Variants in SEPTIN6 observed in about 807,000 individuals in gnomAD.
SEPTIN6 encodes septin-6.
A neutral mutation model predicts 33.6 loss-of-function variants in SEPTIN6; 8 were observed. The observed-to-expected ratio is 0.24, with a 90% CI of 0.14 to 0.43. The LOEUF is 0.43. SEPTIN6 is among the 20% of genes least tolerant of loss of function. The probability of loss-of-function intolerance (pLI) is 1.00; values close to 1 mark genes in which losing one functional copy is unlikely to be tolerated. For missense variants in SEPTIN6, 250 were observed against 340.8 expected (o/e 0.73, Z 2.10); for synonymous variants, 131 against 140.0 (o/e 0.94, Z 0.45).
At position 119,649,180 on chromosome X, in the gene SEPTIN6, G is replaced by C. The variant is rs187466795; in HGVS notation, c.690+757C>G. Among the ~76,000 whole-genome samples, 473 of 97,400 alleles carry C rather than the reference G, an allele frequency of 4.9e-3. 6 individuals carry two copies. Among genetic ancestry groups the C allele is most frequent in the African/African-American group, 0.018 (457 of 25,239 alleles). The allele number at this position is 97,400 out of a possible 115,157, so 84.6% of individuals were successfully genotyped here. On this transcript the variant is annotated intron_variant, in intron 5 of 10. Coordinates refer to ENST00000394610, the MANE Select transcript of SEPTIN6 (RefSeq NM_145799.4). The stretch of plus-strand genomic sequence containing the variant: ...GTCGCCCAGGCTGGAGTGCAATGGC[G>C]TAATCTTGGCTCACTGCAACCTCTG...
Position 119,617,100 on chromosome X carries a change from GT to G in SEPTIN6, c.*2992del, listed in dbSNP as rs2147417275. 3.9e-5 allele frequency: 1 copy of G among 25,793 alleles called. No individual in the cohort carries two copies. Among genetic ancestry groups the G allele is most frequent in the Non-Finnish European group, 4.3e-5 (1 of 23,106 alleles). The allele number at this position is 25,793 out of a possible 1,213,427, so 2.1% of individuals were successfully genotyped here. A position where few individuals can be genotyped will look rare whatever the true frequency, so the allele number is the denominator to read the frequency against. On this transcript the variant is annotated 3_prime_UTR_variant, in exon 11 of 11. Transcript: ENST00000394610. Reference sequence around the variant, plus strand: ...TAAGAGAAGTGAGGGATGTGTGTACGTGTGTGTGTGTGTGTGTGTGTGTGTG... The same window carrying G: ...TAAGAGAAGTGAGGGATGTGTGTACGGTGTGTGTGTGTGTGTGTGTGTGTG...
intron 10 of SEPTIN6, among the ~76,000 whole-genome samples, chrX:119,622,025 GACAAAA>G (rs1382391776): frequency 2.0e-5 from 2 of 99,201 alleles, no homozygotes; most frequent in African/African-American, 3.4e-5. Flanking sequence ...CTATACAAAA[GACAAAA>G]ACAAAAACAA....
rs150090608 is a variant in SEPTIN6 at position 119,622,807 on chromosome X, T to C, written c.*41+2528A>G. ...CATAACACATGAACTGAGTTCCTAT[T>C]ACATGTCAGACACTTCACTACGCAC... On this transcript the variant is annotated intron_variant, in intron 10 of 10. Coordinates refer to ENST00000394610, the MANE Select transcript of SEPTIN6 (RefSeq NM_145799.4). Among the ~76,000 whole-genome samples, 1,041 of 112,082 alleles carry C rather than the reference T, an allele frequency of 9.3e-3. 12 individuals are homozygous for C. Among genetic ancestry groups the C allele is most frequent in the African/African-American group, 0.032 (986 of 30,895 alleles).
At chrX:119,667,323 C>A (rs1036024715) in intron 2 of SEPTIN6, among the ~76,000 whole-genome samples, 2 of 109,303 alleles carry the variant, frequency 1.8e-5, no homozygotes, top group Non-Finnish European at 3.8e-5. Context: ...GTTGAGGGAC[C>A]CACCCTGTTT....
At chrX:119,662,905 G>A (rs2054573025) in intron 3 of SEPTIN6, among the ~76,000 whole-genome samples, 1 of 111,887 alleles carries the variant, frequency 8.9e-6, no homozygotes, top group African/African-American at 3.3e-5. Context: ...TGCCTGAGAT[G>A]CCCCTCTCTC....
At chrX:119,684,262 T>C (rs960866423) in intron 1 of SEPTIN6, among the ~76,000 whole-genome samples, 1 of 111,103 alleles carries the variant, frequency 9.0e-6, no homozygotes, top group African/African-American at 3.3e-5. Context: ...TATAACTTAT[T>C]ATTACATATT....
rs762135920 is a variant in SEPTIN6, at chrX:119,663,728, C to A, written c.146-51G>T. On this transcript the variant is annotated intron_variant, in intron 2 of 10. Coordinates refer to ENST00000394610, the MANE Select transcript of SEPTIN6 (RefSeq NM_145799.4). ...GTCTGTTCACATAGTGACTATTCAG[C>A]CCTTACACATCATGTTTCATATACA... 2.3e-4 allele frequency: 218 copies of A among 956,466 alleles called. 1 individual carries two copies. The highest frequency in any genetic ancestry group is 3.1e-4 in the Non-Finnish European group (217 of 693,450). The allele number at this position is 956,466 out of a possible 1,213,427, so 78.8% of individuals were successfully genotyped here. A position where few individuals can be genotyped will look rare whatever the true frequency, so the allele number is the denominator to read the frequency against.
chrX:119,653,066 C>A, intron 3 of SEPTIN6, 26 bp from the exon 4 acceptor site: 2 of 1,156,681 alleles, frequency 1.7e-6, no homozygotes, highest in Non-Finnish European at 2.3e-6. Context: ...GGGACAGAGG[C>A]GGATCCCGTC....
At chrX:119,656,684 G>C (rs190012543) in intron 3 of SEPTIN6, among the ~76,000 whole-genome samples, 9 of 111,685 alleles carry the variant, frequency 8.1e-5, no homozygotes, top group Non-Finnish European at 1.3e-4. Flanking sequence ...TCAGGAGTTC[G>C]AGACCAGCCT....
At chrX:119,686,523 A>C in intron 1 of SEPTIN6, 1 of 795,225 alleles carries the variant, frequency 1.3e-6, no homozygotes, top group Non-Finnish European at 1.7e-6. Context: ...GCCTCTAATG[A>C]GAAGACACTG....
intron 3 of SEPTIN6, among the ~76,000 whole-genome samples, chrX:119,658,073 G>GC (rs927132458): frequency 8.9e-6 from 1 of 112,031 alleles, no homozygotes; most frequent in Non-Finnish European, 1.9e-5. Context: ...CTTGCAGTAA[G>GC]CCGAGATAGC....
intron 3 of SEPTIN6, among the ~76,000 whole-genome samples, chrX:119,660,187 T>A (rs2054514251): frequency 8.9e-6 from 1 of 112,635 alleles, no homozygotes; most frequent in Admixed American, 9.4e-5. Context: ...CAGCATCCTT[T>A]AAATGGTAGC....
Position 119,640,672 on chromosome X carries a change from C to T in SEPTIN6, c.787+20G>A, listed in dbSNP as rs1458563054. ...CAAAAGGGGCTTCCTGTGTGTAGCCCTTCCCGGAGACTCACTCACCCTGCA... is the reference window on the plus strand; with the variant it reads ...CAAAAGGGGCTTCCTGTGTGTAGCCTTTCCCGGAGACTCACTCACCCTGCA... On this transcript the variant is annotated intron_variant, in intron 6 of 10. Transcript: ENST00000394610. The T allele has an allele frequency of 8.6e-7, 1 of 1,165,038 alleles. No individual in the cohort carries two copies. Among genetic ancestry groups the T allele is most frequent in the South Asian group, 1.8e-5 (1 of 55,786 alleles).
chrX:119,656,375 G>A (rs1381204306), intron 3 of SEPTIN6, among the ~76,000 whole-genome samples: 1 of 112,348 alleles, frequency 8.9e-6, no homozygotes, highest in Non-Finnish European at 1.9e-5. Context: ...CCGCAAGGAT[G>A]AGGATGACAG....
chrX:119,638,105 GA>G (rs2054099169), intron 6 of SEPTIN6, among the ~76,000 whole-genome samples: 1 of 111,836 alleles, frequency 8.9e-6, no homozygotes, highest in South Asian at 3.7e-4. Context: ...AGAATAAGGG[GA>G]AAGAACTAGG....
At chrX:119,677,015 C>T (rs1426123897) in intron 1 of SEPTIN6, among the ~76,000 whole-genome samples, 1 of 112,142 alleles carries the variant, frequency 8.9e-6, no homozygotes, top group Non-Finnish European at 1.9e-5. Flanking sequence ...CTCCTCAAGC[C>T]CTTAGCGTAG....
At chrX:119,624,157 G>GTTTTTTTTTTTTTTTTTTTTTTTGT in intron 10 of SEPTIN6, 1 of 207,278 alleles carries the variant, frequency 4.8e-6, no homozygotes, top group Non-Finnish European at 9.2e-6. Context: ...TTTTTTTTTT[G>GTTTTTTTTTTTTTTTTTTTTTTTGT]TTTTTTTTTT....
chrX:119,676,572 C>A (rs1279351134), intron 1 of SEPTIN6, among the ~76,000 whole-genome samples: 3 of 111,680 alleles, frequency 2.7e-5, no homozygotes, highest in Non-Finnish European at 5.6e-5. Flanking sequence ...GAGTTTGAGA[C>A]CAGCCTGGGC....
intron 9 of SEPTIN6, 55 bp from the exon 10 acceptor site, chrX:119,625,434 A>G: frequency 9.3e-7 from 1 of 1,077,380 alleles, no homozygotes; most frequent in East Asian, 3.0e-5. Context: ...GAAATCAAAT[A>G]TTATGACTTG....
Sources: gnomAD v4.1 joint callset for allele counts (sites outside exome capture counted in the v4.1 genomes callset) on GRCh38, gnomAD v4.1.1 for gene constraint, MANE v1.5 for transcripts, NCBI Gene and HGNC (gene_info 2026-07-23, HGNC 2026-07-21) for gene names.